The following WDR62 variants were observed in gnomAD, a reference collection of about 807,000 sequenced individuals.
WDR62 encodes the protein WD repeat-containing protein 62.
A neutral mutation model predicts 160.6 loss-of-function variants in WDR62; 112 were observed. The observed-to-expected ratio is 0.70, with a 90% CI of 0.60 to 0.82. The LOEUF is 0.82. WDR62 is among the 40% of genes least tolerant of loss of function. WDR62 has a pLI of 0.00. For synonymous variants in WDR62, 792 were observed against 815.1 expected (o/e 0.97, Z 0.48); for missense variants, 1,819 against 1,983.8 (o/e 0.92, Z 1.58).
At chr19:36,096,899 A>ACCC (rs1973000848) in intron 20 of WDR62, 128 bp from the exon 21 acceptor site, 1 of 819,136 alleles carries the variant, frequency 1.2e-6, no homozygotes, top group Admixed American at 2.0e-5. Flanking sequence ...CATTTCCCTA[A>ACCC]CCCCCGGTGC....
rs1437696352 is a variant in WDR62 at position 36,101,738 on chromosome 19, G to A, written c.3046G>A (p.Ala1016Thr). Residue 1016 changes from alanine to threonine, a missense_variant, in exon 25 of 32, where the codon GCC becomes ACC. By Grantham distance (58) the Ala-to-Thr change is moderately conservative. Coordinates refer to ENST00000401500, the MANE Select transcript of WDR62 (RefSeq NM_001083961.2). ...IHSPAPPPDP[A>T]PRFATSLPHF... ...CTCCCCAGCTCCGCCTCCTGACCCT[G>A]CCCCTCGGTTTGCCACGTCGCTGCC... 2 of 1,551,928 alleles carry A rather than the reference G, an allele frequency of 1.3e-6. No homozygotes were observed. The highest frequency in any genetic ancestry group is 1.2e-5 in the South Asian group (1 of 84,114).
chr19:36,103,126 C>T (rs761362579), intron 28 of WDR62, 30 bp from the exon 29 acceptor site: 2 of 1,614,050 alleles, frequency 1.2e-6, no homozygotes, highest in South Asian at 2.2e-5. Context: ...ACCCTGAGGC[C>T]TTGTCCTCAC....
downstream of WDR62, among the ~76,000 whole-genome samples, chr19:36,108,731 G>A (rs932125896): frequency 2.0e-5 from 3 of 151,938 alleles, no homozygotes; most frequent in Admixed American, 1.3e-4. Flanking sequence ...GTGCACGCCT[G>A]TAGTCCCAGC....
chr19:36,094,463 A>G (rs1972832864), intron 20 of WDR62, among the ~76,000 whole-genome samples: 1 of 151,990 alleles, frequency 6.6e-6, no homozygotes, highest in Non-Finnish European at 1.5e-5. Flanking sequence ...CTGAGACAGG[A>G]AAATTGCTTG....
At chr19:36,106,186 C>T (rs115468321), downstream of WDR62, among the ~76,000 whole-genome samples, 309 of 152,168 alleles carry the variant, frequency 2.0e-3, 2 homozygotes, top group African/African-American at 6.9e-3. Context: ...GGCATCTGGC[C>T]ACATGGGGTG....
intron 7 of WDR62, among the ~76,000 whole-genome samples, chr19:36,069,769 A>G (rs1971183970): frequency 6.6e-6 from 1 of 152,164 alleles, no homozygotes; most frequent in East Asian, 1.9e-4. Context: ...CTGGCGGACC[A>G]CTCGCGGTTA....
chr19:36,093,927 A>G, intron 19 of WDR62, 104 bp from the exon 20 acceptor site: 1 of 1,435,978 alleles, frequency 7.0e-7, no homozygotes, highest in Non-Finnish European at 9.8e-7. Context: ...GCAGCCAAGA[A>G]TATGTTCACA....
Position 36,055,130 on chromosome 19 carries a change from G to A in WDR62, c.159G>A (p.Glu53=), listed in dbSNP as rs1970284041. 1.9e-6 allele frequency: 3 copies of A among 1,608,452 alleles called. No homozygotes were observed. The highest frequency in any genetic ancestry group is 2.2e-5 in the East Asian group (1 of 44,582). The change falls in exon 1 of 32, where the codon GAG becomes GAA. Residue 53 remains glutamate, a synonymous_variant. Transcript: ENST00000401500. Reference sequence around the variant, plus strand: ...GGACGCGACTCTCGACGGCCTCCGAGGAGACGGTGCAGAACCGGGTGAGAA... The same window carrying A: ...GGACGCGACTCTCGACGGCCTCCGAAGAGACGGTGCAGAACCGGGTGAGAA... ...RRRTRLSTAS[E]ETVQNRVSLE...
rs1182182072 is a variant in WDR62, at chr19:36,086,694, C to T, written c.1650C>T (p.Thr550=). ...CATTCTCTCCTCTCACAGGGCTGAC[C>T]TTGCTGGCCTCAGCCAGTCGGGACC... The part of the protein sequence containing the change: ...LEYSKPETGL[T]LLASASRDRL... The change falls in exon 13 of 32, where the codon ACC becomes ACT. Residue 550 remains threonine (T), a synonymous_variant. Coordinates refer to ENST00000401500, the MANE Select transcript of WDR62 (RefSeq NM_001083961.2). The T allele has an allele frequency of 6.2e-7, 1 of 1,601,758 alleles. No individual in the cohort carries two copies. The highest frequency in any genetic ancestry group is 2.2e-5 in the East Asian group (1 of 44,480).
chr19:36,072,672 G>A (rs1381860830), intron 8 of WDR62, among the ~76,000 whole-genome samples: 1 of 152,124 alleles, frequency 6.6e-6, no homozygotes, highest in East Asian at 1.9e-4. Context: ...CTGAACAGGG[G>A]AACTGGGTGT....
downstream of WDR62, among the ~76,000 whole-genome samples, chr19:36,106,788 G>A (rs1019339728): frequency 2.0e-5 from 3 of 152,238 alleles, no homozygotes; most frequent in Admixed American, 2.0e-4. Context: ...GGAATATCCA[G>A]AACAGTTTTT....
chr19:36,103,753 C>T lies in WDR62; in HGVS notation c.3925C>T (p.Leu1309=). The T allele has an allele frequency of 6.2e-7, 1 of 1,611,586 alleles. No individual in the cohort carries two copies. The highest frequency in any genetic ancestry group is 8.5e-7 in the Non-Finnish European group (1 of 1,179,926). Residue 1309 remains leucine, a synonymous_variant, in exon 30 of 32, where the codon CTG becomes TTG. Transcript: ENST00000401500. ...CCTGTCAAGTGCCTGTGATGGGCTC[C>T]TGCAGCCCCCCGTGGATACCCAGCC... The part of the protein sequence containing the change: ...LTLSSACDGL[L]QPPVDTQPGV...
intron 15 of WDR62, 108 bp downstream of exon 15, chr19:36,089,414 G>A: frequency 6.4e-7 from 1 of 1,564,040 alleles, no homozygotes; most frequent in South Asian, 1.1e-5. Context: ...AGGAATTGAG[G>A]GACCCAGCAG....
intron 12 of WDR62, among the ~76,000 whole-genome samples, chr19:36,085,918 G>A (rs1972199631): frequency 6.6e-6 from 1 of 152,024 alleles, no homozygotes; most frequent in Non-Finnish European, 1.5e-5. Flanking sequence ...CCTGACGTCA[G>A]GTGATCCACC....
intron 7 of WDR62, among the ~76,000 whole-genome samples, chr19:36,069,991 A>AGAGAGCGAGAGGGAGACCGTGGG (rs1971202085): frequency 6.9e-6 from 1 of 145,980 alleles, no homozygotes; most frequent in Non-Finnish European, 1.5e-5. Flanking sequence ...GACCGTGGAA[A>AGAGAGCGAGAGGGAGACCGTGGG]GAGAGGGAGA....
Position 36,083,200 on chromosome 19 carries a change from C to T in WDR62, c.1509C>T (p.Asp503=), listed in dbSNP as rs758922011. Residue 503 remains aspartate, a synonymous_variant, in exon 11 of 32, where the codon GAC becomes GAT. Transcript: ENST00000401500. ...TGCGGGTCATGCAGGTCAGTCCTGA[C>T]GGCCAGCATTTGGCTTCAGGCGACC... ...AGVRVMQVSP[D]GQHLASGDRS... is the part of the protein sequence containing the mutation. 38 of 1,609,888 alleles carry T rather than the reference C, an allele frequency of 2.4e-5. No individual in the cohort carries two copies. Among genetic ancestry groups the T allele is most frequent in the South Asian group, 1.8e-4 (16 of 90,290 alleles).
chr19:36,067,844 C>T lies in WDR62; in HGVS notation c.716C>T (p.Pro239Leu). ...TGTCTCCAGGTGACGAGCACAGTGC[C>T]CCTTGTAGGGCGCTCGGGCATCCTG... ...STETKVTSTVPLVGRSGILGE... is the reference protein window; with the variant it reads ...STETKVTSTVLLVGRSGILGE... Residue 239 changes from proline (P) to leucine (L), a missense_variant, in exon 7 of 32, where the codon CCC (proline) becomes CTC (leucine). This residue lies in a region of WDR62 where 934 missense variants were observed against 1,157.2 expected (regional missense o/e 0.81). Transcript: ENST00000401500. 6.2e-7 allele frequency: 1 copy of T among 1,614,136 alleles called. No individual in the cohort carries two copies. Among genetic ancestry groups the T allele is most frequent in the Non-Finnish European group, 8.5e-7 (1 of 1,180,038 alleles).
At chr19:36,055,238 C>A (rs1398305069) in intron 1 of WDR62, 90 bp downstream of exon 1, 5 of 1,433,024 alleles carry the variant, frequency 3.5e-6, no homozygotes, top group East Asian at 5.0e-5. Flanking sequence ...CGACATCAGC[C>A]CCCGGCCAGT....
downstream of WDR62, among the ~76,000 whole-genome samples, chr19:36,110,080 C>T (rs145080366): frequency 6.6e-6 from 1 of 151,704 alleles, no homozygotes; most frequent in African/African-American, 2.4e-5. Context: ...AAAAACAGAG[C>T]TTGGATTGCT....
Sources: allele counts gnomAD v4.1 joint callset (sites outside exome capture counted in the v4.1 genomes callset), GRCh38; gene constraint gnomAD v4.1.1; regional missense constraint gnomAD v4.1.1; transcripts MANE v1.5; gene names NCBI Gene and HGNC (gene_info 2026-07-23, HGNC 2026-07-21).